Variants in CSNK2A1 observed in about 807,000 individuals in gnomAD.
CSNK2A1 encodes casein kinase 2 alpha 1, also known as casein kinase II subunit alpha.
CSNK2A1 carries 10 observed loss-of-function variants against 62.9 expected under a neutral mutation model. The ratio of observed to expected loss-of-function variants is 0.16; its 90% confidence interval spans 0.10 to 0.27. CSNK2A1 has a LOEUF of 0.27. Ranked by LOEUF, CSNK2A1 falls within the 10% of genes least tolerant of loss-of-function variation. The pLI, the probability that CSNK2A1 is intolerant of heterozygous loss-of-function variation, is 1.00. For missense variants in CSNK2A1, 160 were observed against 492.0 expected (o/e 0.33, Z 6.38); for synonymous variants, 124 against 167.8 (o/e 0.74, Z 2.02).
chr20:525,104 C>T (rs1316686287), intron 2 of CSNK2A1, among the ~76,000 whole-genome samples: 1 of 152,014 alleles, frequency 6.6e-6, no homozygotes, highest in East Asian at 1.9e-4. Flanking sequence ...CACTCTGCCT[C>T]AAAATCAATC....
At chr20:530,680 G>A (rs1366424595) in intron 1 of CSNK2A1, among the ~76,000 whole-genome samples, 1 of 152,030 alleles carries the variant, frequency 6.6e-6, no homozygotes, top group Admixed American at 6.6e-5. Flanking sequence ...TCGCCATGTT[G>A]CCCAGGCTGG....
chr20:537,706 A>G (rs983171985), intron 1 of CSNK2A1, among the ~76,000 whole-genome samples: 1 of 152,240 alleles, frequency 6.6e-6, no homozygotes, highest in Non-Finnish European at 1.5e-5. Context: ...TCAGAAGTTC[A>G]AAGAAATTCA....
At chr20:513,920 G>C (rs750443841) in intron 2 of CSNK2A1, among the ~76,000 whole-genome samples, 2 of 152,212 alleles carry the variant, frequency 1.3e-5, no homozygotes, top group Non-Finnish European at 2.9e-5. Context: ...CTTATAGTAA[G>C]AAAGGTATTC....
At position 475,503 on chromosome 20, in the gene CSNK2A1, CATAT is replaced by C. The variant is rs201110122; in HGVS notation, c.*8454_*8457del. 1 of 150,900 alleles carries C rather than the reference CATAT, an allele frequency of 6.6e-6. No individual in the cohort carries two copies. Among genetic ancestry groups the C allele is most frequent in the Non-Finnish European group, 1.5e-5 (1 of 67,822 alleles). 9.3% of individuals were successfully genotyped at this position (150,900 alleles called of 1,614,324 possible). ...GTTGGTGTAATCCTTTCCACACACA[CATAT>C]ATATATACATAGATGTTATATGTGG... On this transcript the variant is annotated 3_prime_UTR_variant, in exon 14 of 14. Coordinates refer to ENST00000217244, the MANE Select transcript of CSNK2A1 (RefSeq NM_177559.3).
chr20:518,616 A>G (rs796287479), intron 2 of CSNK2A1, among the ~76,000 whole-genome samples: 1 of 151,726 alleles, frequency 6.6e-6, no homozygotes, highest in East Asian at 1.9e-4. Context: ...GCCTGATCTC[A>G]GCTCACTGCA....
At chr20:513,404 T>A (rs768310134) in intron 2 of CSNK2A1, among the ~76,000 whole-genome samples, 3 of 152,226 alleles carry the variant, frequency 2.0e-5, no homozygotes, top group Non-Finnish European at 4.4e-5. Flanking sequence ...ATGAAATGCA[T>A]GTAAATTTGT....
Position 543,740 on chromosome 20 carries a change from G to A in CSNK2A1, c.-295C>T. 2.5e-6 allele frequency: 1 copy of A among 398,438 alleles called. No individual in the cohort carries two copies. The highest frequency in any genetic ancestry group is 4.4e-6 in the Non-Finnish European group (1 of 225,990). 24.7% of individuals were successfully genotyped at this position (398,438 alleles called of 1,614,324 possible). A position where few individuals can be genotyped will look rare whatever the true frequency, so the allele number is the denominator to read the frequency against. Reference sequence around the variant, plus strand: ...TCACACAGACAATATGGCGGCGATGGAGGAGGAGACACACGGCTCGGCCGC... The same window carrying A: ...TCACACAGACAATATGGCGGCGATGAAGGAGGAGACACACGGCTCGGCCGC... On this transcript the variant is annotated 5_prime_UTR_variant, in exon 1 of 14. Coordinates refer to ENST00000217244, the MANE Select transcript of CSNK2A1 (RefSeq NM_177559.3).
chr20:489,922 C>G (rs1568504004), intron 9 of CSNK2A1, 41 bp from the exon 10 acceptor site: 1 of 1,445,216 alleles, frequency 6.9e-7, no homozygotes. Context: ...TGTGAATCCT[C>G]AGGCTTGTCA....
intron 2 of CSNK2A1, 125 bp downstream of exon 2, chr20:527,808 G>C (rs571825828): frequency 6.6e-6 from 1 of 152,182 alleles, no homozygotes; most frequent in Admixed American, 6.5e-5. Context: ...CAAAGTGCTA[G>C]GGTTACAGGC....
chr20:508,765 C>T, intron 2 of CSNK2A1, 105 bp from the exon 3 acceptor site: 3 of 491,524 alleles, frequency 6.1e-6, no homozygotes, highest in South Asian at 3.1e-5. Flanking sequence ...CTCTGGCTCT[C>T]CTACCTACAG....
In CSNK2A1 at chr20:491,065, A is replaced by C. The variant is rs114369784; in HGVS notation, c.622-1184T>G. 7.0e-3 allele frequency among the ~76,000 whole-genome samples: 1,060 copies of C among 152,274 alleles called. 12 individuals carry two copies. The highest frequency in any genetic ancestry group is 0.024 in the African/African-American group (999 of 41,562). ...AATACTGTAAAAACTATTTTTATGC[A>C]TAAAATGCTTTTTGAACTCAGGGCT... On this transcript the variant is annotated intron_variant, in intron 9 of 13. Transcript: ENST00000217244.
At position 483,749 on chromosome 20, in the gene CSNK2A1, G is replaced by A. The variant is rs777778389; in HGVS notation, c.*212C>T. The A allele has an allele frequency of 1.7e-5, 6 of 348,068 alleles. No homozygotes were observed. Among genetic ancestry groups the A allele is most frequent in the Non-Finnish European group, 3.0e-5 (6 of 198,466 alleles). 21.6% of individuals were successfully genotyped at this position (348,068 alleles called of 1,614,324 possible). A position where few individuals can be genotyped will look rare whatever the true frequency, so the allele number is the denominator to read the frequency against. On this transcript the variant is annotated 3_prime_UTR_variant, in exon 14 of 14. Coordinates refer to ENST00000217244, the MANE Select transcript of CSNK2A1 (RefSeq NM_177559.3). ...GGTAATTTTTCAGGGAATCCCCTGA[G>A]TTATGAAAAGTTCGAGTTAAAAAAA...
intron 2 of CSNK2A1, among the ~76,000 whole-genome samples, chr20:526,201 G>A (rs981823571): frequency 2.6e-5 from 4 of 151,432 alleles, no homozygotes; most frequent in Admixed American, 1.3e-4. Context: ...TGCTGAGCCC[G>A]TGGCTCATGC....
rs1172510158 is a variant in CSNK2A1 at position 486,406 on chromosome 20, T to C, written c.1030A>G (p.Thr344Ala). 6.2e-7 allele frequency: 1 copy of C among 1,613,520 alleles called. No homozygotes were observed. Among genetic ancestry groups the C allele is most frequent in the Non-Finnish European group, 8.5e-7 (1 of 1,179,826 alleles). Residue 344 changes from threonine (T) to alanine (A), a missense_variant, in exon 13 of 14, where the codon ACG (threonine) becomes GCG (alanine). By Grantham distance (58) the Thr-to-Ala change is moderately conservative (BLOSUM62 0). Transcript: ENST00000217244. The part of the protein sequence containing the change: ...MGSSSMPGGS[T>A]PVSSANMMSG... The stretch of plus-strand genomic sequence containing the variant: ...ATCATATTGGCGCTGCTGACGGGCG[T>C]ACTGCCCCCTGGCATGCTAGATGAA...
chr20:521,955 T>C (rs2018958025), intron 2 of CSNK2A1, among the ~76,000 whole-genome samples: 1 of 152,200 alleles, frequency 6.6e-6, no homozygotes, highest in Non-Finnish European at 1.5e-5. Context: ...CTTCCATTTA[T>C]ATCAGGGGTC....
At chr20:490,408 TTAC>T in intron 9 of CSNK2A1, among the ~76,000 whole-genome samples, 1 of 134,950 alleles carries the variant, frequency 7.4e-6, no homozygotes, top group Non-Finnish European at 1.6e-5. Flanking sequence ...AAAACAATTT[TTAC>T]TTTTTTTTTT....
At chr20:511,273 G>C (rs147721549) in intron 2 of CSNK2A1, among the ~76,000 whole-genome samples, 2 of 152,090 alleles carry the variant, frequency 1.3e-5, no homozygotes, top group African/African-American at 4.8e-5. Flanking sequence ...CCAGGAAGTC[G>C]AGGCTACAGT....
intron 2 of CSNK2A1, among the ~76,000 whole-genome samples, chr20:524,728 AAAG>A (rs1197277657): frequency 1.3e-4 from 20 of 150,824 alleles, no homozygotes; most frequent in Non-Finnish European, 1.5e-4. Flanking sequence ...AAAAAAAAAA[AAAG>A]AGATACATCT....
rs2122467679 is a variant in CSNK2A1, at chr20:475,882, G to A, written c.*8079C>T. The A allele has an allele frequency of 6.6e-6, 1 of 152,362 alleles. No homozygotes were observed. Among genetic ancestry groups the A allele is most frequent in the East Asian group, 1.9e-4 (1 of 5,188 alleles). 9.4% of individuals were successfully genotyped at this position (152,362 alleles called of 1,614,324 possible). ...GGCAAACCTGAATCCAATTCACATG[G>A]AGGTGTCCAGCCCAGCCGACCCACA... On this transcript the variant is annotated 3_prime_UTR_variant, in exon 14 of 14. Coordinates refer to ENST00000217244, the MANE Select transcript of CSNK2A1 (RefSeq NM_177559.3).
Sources: gnomAD v4.1 joint callset for allele counts (sites outside exome capture counted in the v4.1 genomes callset) on GRCh38, gnomAD v4.1.1 for gene constraint, MANE v1.5 for transcripts, NCBI Gene and HGNC (gene_info 2026-07-23, HGNC 2026-07-21) for gene names.